Variants in LRRC20 observed in about 807,000 individuals in gnomAD.
The protein encoded by LRRC20 is leucine rich repeat containing 20.
LRRC20 carries 11 observed loss-of-function variants against 14.4 expected under a neutral mutation model. That is an observed-to-expected ratio of 0.77 (90% CI 0.48 to 1.27). The LOEUF is 1.27. Ranked by LOEUF, LRRC20 falls within the 50% of genes most tolerant of loss-of-function variation. LRRC20 has a pLI of 0.00. For missense variants in LRRC20, 219 were observed against 251.2 expected (o/e 0.87, Z 0.87); for synonymous variants, 121 against 107.3 (o/e 1.13, Z -0.79).
chr10:70,353,080 C>A (rs971194863), intron 2 of LRRC20, among the ~76,000 whole-genome samples: 3 of 152,136 alleles, frequency 2.0e-5, no homozygotes, highest in East Asian at 3.9e-4. Flanking sequence ...GGTGTTGAGT[C>A]TCTAACACAT....
chr10:70,349,461 C>T (rs1259584196), intron 2 of LRRC20, among the ~76,000 whole-genome samples: 1 of 152,074 alleles, frequency 6.6e-6, no homozygotes, highest in Non-Finnish European at 1.5e-5. Context: ...GCCTGTAATC[C>T]CAGCTACTCA....
intron 4 of LRRC20, among the ~76,000 whole-genome samples, chr10:70,303,616 C>A (rs879210511): frequency 6.6e-6 from 1 of 152,190 alleles, no homozygotes; most frequent in Admixed American, 6.5e-5. Context: ...CAACACTCAT[C>A]AAAAATGCCA....
At chr10:70,318,453 T>A (rs1047119476) in intron 4 of LRRC20, among the ~76,000 whole-genome samples, 2 of 152,190 alleles carry the variant, frequency 1.3e-5, no homozygotes, top group Non-Finnish European at 2.9e-5. Context: ...CAGATACTTT[T>A]CCTCTTAAAA....
intron 4 of LRRC20, among the ~76,000 whole-genome samples, chr10:70,304,409 T>G (rs1841326248): frequency 6.7e-6 from 1 of 148,956 alleles, no homozygotes; most frequent in Admixed American, 6.8e-5. Flanking sequence ...CTAATGGATA[T>G]TATACACATA....
intron 4 of LRRC20, among the ~76,000 whole-genome samples, chr10:70,312,828 T>C (rs1388491759): frequency 6.6e-6 from 1 of 152,090 alleles, no homozygotes; most frequent in Non-Finnish European, 1.5e-5. Flanking sequence ...GCTAGTGAGG[T>C]GCAGGAAGTA....
At chr10:70,317,773 C>T (rs185296468) in intron 4 of LRRC20, among the ~76,000 whole-genome samples, 80 of 152,304 alleles carry the variant, frequency 5.3e-4, no homozygotes, top group Non-Finnish European at 2.1e-4. Flanking sequence ...CAATCTGCCT[C>T]GTGAGCCCAG....
At chr10:70,313,567 G>C (rs1841746896) in intron 4 of LRRC20, among the ~76,000 whole-genome samples, 1 of 152,204 alleles carries the variant, frequency 6.6e-6, no homozygotes, top group South Asian at 2.1e-4. Flanking sequence ...AGCTGTCCTT[G>C]ATGATTCTTG....
chr10:70,338,530 CAGTTGAT>C (rs1842793157), intron 3 of LRRC20, among the ~76,000 whole-genome samples: 1 of 152,206 alleles, frequency 6.6e-6, no homozygotes, highest in South Asian at 2.1e-4. Context: ...ATCCATTTCC[CAGTTGAT>C]AGACATTTGG....
At chr10:70,379,302 G>A (rs988136155) in intron 1 of LRRC20, among the ~76,000 whole-genome samples, 5 of 152,162 alleles carry the variant, frequency 3.3e-5, no homozygotes, top group Admixed American at 6.5e-5. Context: ...CTCGAAGACC[G>A]TACCCCTAAG....
chr10:70,319,175 A>G (rs201324460), intron 4 of LRRC20, among the ~76,000 whole-genome samples: 5,460 of 137,042 alleles, frequency 0.04, 148 homozygotes, highest in East Asian at 0.094. Flanking sequence ...TGTATAGGGA[A>G]AAAAAAAAAA....
At chr10:70,336,709 C>A (rs188073142) in intron 3 of LRRC20, among the ~76,000 whole-genome samples, 28 of 152,344 alleles carry the variant, frequency 1.8e-4, no homozygotes, top group Admixed American at 1.8e-3. Flanking sequence ...TCTCTGCCAA[C>A]ACACAAGTGA....
chr10:70,361,693 T>C (rs2394726), intron 2 of LRRC20, among the ~76,000 whole-genome samples: 149,564 of 151,840 alleles, frequency 0.99, 73,705 homozygotes, highest in East Asian at 1. Context: ...CGGGGCCCAG[T>C]CATTGGCTCC....
At chr10:70,366,996 G>C (rs1045245691) in intron 2 of LRRC20, among the ~76,000 whole-genome samples, 4 of 152,080 alleles carry the variant, frequency 2.6e-5, no homozygotes, top group Non-Finnish European at 5.9e-5. Context: ...GTACAACCCA[G>C]CAATCCTACT....
intron 4 of LRRC20, among the ~76,000 whole-genome samples, chr10:70,306,649 A>G (rs114818833): frequency 5.8e-4 from 88 of 152,280 alleles, no homozygotes; most frequent in African/African-American, 2.1e-3. Flanking sequence ...TCTCCACTAT[A>G]TAATTACTAT....
At chr10:70,379,947 G>A (rs868629958) in intron 1 of LRRC20, among the ~76,000 whole-genome samples, 4 of 152,168 alleles carry the variant, frequency 2.6e-5, no homozygotes, top group South Asian at 2.1e-4. Context: ...TTCGCAATAG[G>A]GTTCAGGCTC....
chr10:70,325,333 C>T (rs1167519439), intron 3 of LRRC20, among the ~76,000 whole-genome samples: 1 of 152,178 alleles, frequency 6.6e-6, no homozygotes, highest in Non-Finnish European at 1.5e-5. Context: ...GATCCGATCT[C>T]CTACTGCCTT....
In LRRC20 at chr10:70,348,668, C is replaced by T. The variant is rs569969295; in HGVS notation, c.83-7966G>A. Among the ~76,000 whole-genome samples, 5 of 152,302 alleles carry T rather than the reference C, an allele frequency of 3.3e-5. No homozygotes were observed. In the South Asian group the frequency reaches 1.0e-3, roughly 32 times the overall value. On this transcript the variant is annotated intron_variant, in intron 2 of 4. Transcript: ENST00000446961. ...CTTGAGTCAAAAACATGCCTAGGTG[C>T]CTGGCTCTAGGCCAGGCCAGAGAAA...
chr10:70,329,236 A>G (rs949825178), intron 3 of LRRC20, among the ~76,000 whole-genome samples: 3 of 152,218 alleles, frequency 2.0e-5, no homozygotes, highest in African/African-American at 7.2e-5. Flanking sequence ...ACAAGAAAAG[A>G]AGGTTATTTC....
chr10:70,314,065 C>T (rs1286647023), intron 4 of LRRC20, among the ~76,000 whole-genome samples: 1 of 152,116 alleles, frequency 6.6e-6, no homozygotes, highest in Non-Finnish European at 1.5e-5. Context: ...ATAAAACCAT[C>T]AGATCTCGTG....
Sources: allele counts gnomAD v4.1 joint callset (sites outside exome capture counted in the v4.1 genomes callset), GRCh38; gene constraint gnomAD v4.1.1; transcripts MANE v1.5; gene names NCBI Gene and HGNC (gene_info 2026-07-23, HGNC 2026-07-21).